CCDC144A: variants seen among roughly 807,000 people sequenced by gnomAD.
CCDC144A encodes coiled-coil domain containing 144A.
CCDC144A carries 41 observed loss-of-function variants against 143.8 expected under a neutral mutation model. The ratio of observed to expected loss-of-function variants is 0.29; its 90% confidence interval spans 0.22 to 0.37. CCDC144A has a LOEUF of 0.37. CCDC144A is among the 10% of genes least tolerant of loss of function. CCDC144A has a pLI of 1.00. For missense variants in CCDC144A, 637 were observed against 1,488.8 expected (o/e 0.43, Z 9.41); for synonymous variants, 242 against 517.9 (o/e 0.47, Z 7.23).
intron 2 of CCDC144A, among the ~76,000 whole-genome samples, chr17:16,703,540 A>T (rs3101955): frequency 1.4e-4 from 21 of 152,280 alleles, no homozygotes; most frequent in East Asian, 7.7e-4. Context: ...CGTGGTGGCT[A>T]ACGCCTGTAA....
intron 12 of CCDC144A, among the ~76,000 whole-genome samples, chr17:16,750,996 A>T (rs565645463): frequency 9.1e-4 from 139 of 152,266 alleles, no homozygotes; most frequent in Admixed American, 3.1e-3. Flanking sequence ...TGCCACTGAG[A>T]TTCTGAATCA....
At chr17:16,684,437 C>T in the CCDC144A span, among the ~76,000 whole-genome samples, 4 of 152,074 alleles carry the variant, frequency 2.6e-5, no homozygotes, top group Non-Finnish European at 5.9e-5. Context: ...GGATGGATCA[C>T]GGGGTCAGGA....
At chr17:16,762,966 G>C (rs1203825010) in intron 14 of CCDC144A, among the ~76,000 whole-genome samples, 1 of 146,796 alleles carries the variant, frequency 6.8e-6, no homozygotes, top group Non-Finnish European at 1.5e-5. Flanking sequence ...GCTGAAAACA[G>C]AAAGGGTCAA....
chr17:16,765,899 A>G (rs917586171), intron 15 of CCDC144A: 1 of 152,278 alleles, frequency 6.6e-6, no homozygotes, highest in Non-Finnish European at 1.5e-5. Context: ...ATGCAAATAT[A>G]ATGTTCTCAT....
chr17:16,762,016 A>G (rs1915398110), intron 13 of CCDC144A, among the ~76,000 whole-genome samples: 1 of 152,272 alleles, frequency 6.6e-6, no homozygotes, highest in African/African-American at 2.4e-5. Context: ...AAATTATACC[A>G]TACTCTTGAA....
the CCDC144A span, among the ~76,000 whole-genome samples, chr17:16,677,789 A>G: frequency 6.6e-6 from 1 of 151,862 alleles, no homozygotes; most frequent in East Asian, 1.9e-4. Context: ...CCTGGGTATC[A>G]GAGTGAAACT....
At chr17:16,691,764 A>AAAAC (rs199922365) in intron 1 of CCDC144A, 4,062 of 151,628 alleles carry the variant, frequency 0.027, 170 homozygotes, top group African/African-American at 0.087. Flanking sequence ...GACTCAGTCT[A>AAAAC]AAACAAACAA....
Position 16,715,744 on chromosome 17 carries a change from T to C in CCDC144A, c.1715+3929T>C, listed in dbSNP as rs868329742. 6.6e-5 allele frequency among the ~76,000 whole-genome samples: 10 copies of C among 152,308 alleles called. No individual in the cohort carries two copies. The Middle Eastern group carries it at 0.014, about 207-fold the overall frequency. ...GAGCAGCTGTTGATCTTACATAGGG[T>C]TGCGGGAGGAGCGGACTTGAAGCAT... On this transcript the variant is annotated intron_variant, in intron 6 of 16. Transcript: ENST00000399273.
At chr17:16,683,063 G>C in the CCDC144A span, among the ~76,000 whole-genome samples, 246 of 151,684 alleles carry the variant, frequency 1.6e-3, 2 homozygotes, top group African/African-American at 5.7e-3. Flanking sequence ...AGGTTACCAG[G>C]GGTGGAAGGC....
At position 16,734,676 on chromosome 17, in the gene CCDC144A, C is replaced by T; in HGVS notation, c.2419-14C>T. On this transcript the variant is annotated splice_polypyrimidine_tract_variant and intron_variant, in intron 11 of 16. Transcript: ENST00000399273. ...TTTTATTGAGTGCTACTGAATGTTT[C>T]CTTTCTTACTTAGATTTCTCATAGG... 3.3e-6 allele frequency: 5 copies of T among 1,509,134 alleles called. No homozygotes were observed. In the South Asian group the frequency reaches 5.5e-5, roughly 17 times the overall value. The allele number at this position is 1,509,134 out of a possible 1,614,324, so 93.5% of individuals were successfully genotyped here.
At chr17:16,762,978 T>G (rs1342596297) in intron 14 of CCDC144A, among the ~76,000 whole-genome samples, 1 of 147,618 alleles carries the variant, frequency 6.8e-6, no homozygotes, top group Non-Finnish European at 1.5e-5. Flanking sequence ...AAGGGTCAAG[T>G]ACGACTACTC....
intron 4 of CCDC144A, 75 bp downstream of exon 4, chr17:16,707,617 C>T (rs1912135395): frequency 1.6e-5 from 14 of 903,070 alleles, no homozygotes; most frequent in Non-Finnish European, 2.2e-5. Context: ...TATAAGCTAG[C>T]CCAAATGAAA....
At chr17:16,702,174 G>C (rs1168231161) in intron 2 of CCDC144A, among the ~76,000 whole-genome samples, 1 of 152,130 alleles carries the variant, frequency 6.6e-6, no homozygotes. Flanking sequence ...CATTCTGGCA[G>C]CTTGAGTGAG....
intron 12 of CCDC144A, chr17:16,746,458 C>T: frequency 1.2e-6 from 2 of 1,613,294 alleles, no homozygotes; most frequent in Non-Finnish European, 1.7e-6. Flanking sequence ...TTGTCTTCGC[C>T]TCCATCTCCC....
intron 12 of CCDC144A, among the ~76,000 whole-genome samples, chr17:16,739,938 A>G (rs1002616435): frequency 6.6e-6 from 1 of 150,480 alleles, no homozygotes; most frequent in African/African-American, 2.5e-5. Context: ...TGACTCCATG[A>G]CATGATGAGA....
At chr17:16,766,334 G>C (rs1250860754) in intron 15 of CCDC144A, 2 of 152,266 alleles carry the variant, frequency 1.3e-5, no homozygotes, top group Non-Finnish European at 2.9e-5. Context: ...TTTCCAGCCT[G>C]AGTTTTCCTT....
chr17:16,736,235 CTTTTTTTTTT>C (rs71214289), intron 12 of CCDC144A, among the ~76,000 whole-genome samples: 2 of 98,182 alleles, frequency 2.0e-5, no homozygotes, highest in Non-Finnish European at 4.4e-5. Context: ...AAGGCATTTA[CTTTTTTTTTT>C]TTTTTTTTTT....
At chr17:16,695,021 A>G (rs1911315557) in intron 2 of CCDC144A, among the ~76,000 whole-genome samples, 1 of 152,254 alleles carries the variant, frequency 6.6e-6, no homozygotes, top group Non-Finnish European at 1.5e-5. Flanking sequence ...GACAATCTGA[A>G]CTGTAAGAGG....
At chr17:16,673,099 T>C in the CCDC144A span, among the ~76,000 whole-genome samples, 1 of 152,140 alleles carries the variant, frequency 6.6e-6, no homozygotes, top group Non-Finnish European at 1.5e-5. Context: ...TTATATCTAA[T>C]GATGTACCAA....
Sources: gnomAD v4.1 joint callset for allele counts (sites outside exome capture counted in the v4.1 genomes callset) on GRCh38, gnomAD v4.1.1 for gene constraint, MANE v1.5 for transcripts, NCBI Gene and HGNC (gene_info 2026-07-23, HGNC 2026-07-21) for gene names.